The following TNC variants were observed in gnomAD, a reference collection of about 807,000 sequenced individuals.
TNC encodes tenascin.
A neutral mutation model predicts 202.4 loss-of-function variants in TNC; 109 were observed. The observed-to-expected ratio is 0.54, with a 90% CI of 0.46 to 0.63. The LOEUF (loss-of-function observed/expected upper bound fraction) is 0.63. TNC is among the 30% of genes least tolerant of loss of function. The pLI is 0.00. For missense variants in TNC, 2,756 were observed against 2,833.3 expected, an observed-to-expected ratio of 0.97 and a Z score of 0.62; for synonymous variants, 1,007 against 1,089.7, an observed-to-expected ratio of 0.92 and a Z score of 1.50.
chr9:115,068,904 C>T (rs1284445626), intron 10 of TNC, among the ~76,000 whole-genome samples: 1 of 152,258 alleles, frequency 6.6e-6, no homozygotes, highest in African/African-American at 2.4e-5. Context: ...GTGATGGGTA[C>T]CTGTCTGTAT....
intron 25 of TNC, among the ~76,000 whole-genome samples, chr9:115,027,122 A>G (rs1829562216): frequency 6.6e-6 from 1 of 151,762 alleles, no homozygotes; most frequent in Non-Finnish European, 1.5e-5. Flanking sequence ...AAGCAAAAAA[A>G]AAAAAAAAAG....
intron 20 of TNC, 49 bp from the exon 21 acceptor site, chr9:115,036,290 C>A (rs1198667652): frequency 6.2e-7 from 1 of 1,601,040 alleles, no homozygotes; most frequent in South Asian, 1.1e-5. Flanking sequence ...ACTGTCTGAG[C>A]CATGAGTGGG....
chr9:115,085,719 T>C (rs1203005519), intron 3 of TNC, 145 bp downstream of exon 3: 5 of 863,100 alleles, frequency 5.8e-6, no homozygotes, highest in African/African-American at 3.4e-5. Flanking sequence ...AAAGTCATTA[T>C]GGGTGTGTGT....
Position 115,086,204 on chromosome 9 carries a change from G to T in TNC, c.1527C>A (p.Gly509=), listed in dbSNP as rs151255144. 2.5e-5 allele frequency: 40 copies of T among 1,614,146 alleles called. No homozygotes were observed. In the African/African-American group the frequency reaches 4.9e-4, roughly 20 times the overall value. The change falls in exon 3 of 28, where the codon GGC becomes GGA. Residue 509 remains glycine, a synonymous_variant. Coordinates refer to ENST00000350763, the MANE Select transcript of TNC (RefSeq NM_002160.4). ...AGACGCACTGTCCGTCCACACAGAGGCCCCTGTTGCTGCAGTCCCTGGGGC... is the reference window on the plus strand; with the variant it reads ...AGACGCACTGTCCGTCCACACAGAGTCCCCTGTTGCTGCAGTCCCTGGGGC... The part of the protein sequence containing the change: ...RQCPRDCSNR[G]LCVDGQCVCE...
chr9:115,112,218 T>G (rs924034078), intron 1 of TNC, among the ~76,000 whole-genome samples: 1 of 152,192 alleles, frequency 6.6e-6, no homozygotes, highest in Non-Finnish European at 1.5e-5. Flanking sequence ...AGACCTAGGA[T>G]TCCAACCTGA....
chr9:115,110,277 T>C lies in TNC; in HGVS notation c.-137+7705A>G, dbSNP rs148378062. On this transcript the variant is annotated intron_variant, in intron 1 of 27. Coordinates refer to ENST00000350763, the MANE Select transcript of TNC (RefSeq NM_002160.4). Reference sequence around the variant, plus strand: ...TGACAGCTGAAGTACAGGATCTGTTTAGAGACCAGAAGCAAGATCATGGAG... The same window carrying C: ...TGACAGCTGAAGTACAGGATCTGTTCAGAGACCAGAAGCAAGATCATGGAG... Among the ~76,000 whole-genome samples, 3 of 152,314 alleles carry C rather than the reference T, an allele frequency of 2.0e-5. No homozygotes were observed. In the East Asian group the frequency reaches 5.8e-4, roughly 29 times the overall value.
At chr9:115,057,748 A>G (rs1832244739) in intron 14 of TNC, among the ~76,000 whole-genome samples, 1 of 152,232 alleles carries the variant, frequency 6.6e-6, no homozygotes, top group Non-Finnish European at 1.5e-5. Context: ...TGCCTCTGGG[A>G]GCCCTACCTC....
intron 10 of TNC, among the ~76,000 whole-genome samples, chr9:115,067,417 G>T (rs1267935397): frequency 6.6e-6 from 1 of 152,188 alleles, no homozygotes; most frequent in Non-Finnish European, 1.5e-5. Context: ...TGTGAATTAA[G>T]TTACTGTCTT....
chr9:115,025,362 T>C (rs1011801843), intron 26 of TNC, among the ~76,000 whole-genome samples: 11 of 149,850 alleles, frequency 7.3e-5, no homozygotes, highest in African/African-American at 2.2e-4. Flanking sequence ...CAAAAGAGCT[T>C]TGTGCCTCCT....
At chr9:115,071,286 C>G (rs936487911) in intron 10 of TNC, among the ~76,000 whole-genome samples, 10 of 152,306 alleles carry the variant, frequency 6.6e-5, no homozygotes, top group African/African-American at 2.4e-4. Context: ...AGTCTGTGGA[C>G]AGTGGAGAAG....
chr9:115,102,446 T>C (rs1334048672), intron 1 of TNC, among the ~76,000 whole-genome samples: 3 of 152,242 alleles, frequency 2.0e-5, no homozygotes, highest in Non-Finnish European at 4.4e-5. Context: ...GGGTTCCAGA[T>C]GCCTTGAAGG....
chr9:115,095,458 G>GTA (rs1408096728), intron 1 of TNC, among the ~76,000 whole-genome samples: 3 of 93,712 alleles, frequency 3.2e-5, no homozygotes, highest in South Asian at 3.4e-4. Flanking sequence ...ATATATATAT[G>GTA]TATATATATA....
chr9:115,095,493 T>C lies in TNC; in HGVS notation c.-136-4339A>G. Reference sequence around the variant, plus strand: ...ATGTATATATATGTATATATATATGTATATATATGTATATATATATGTATA... The same window carrying C: ...ATGTATATATATGTATATATATATGCATATATATGTATATATATATGTATA... On this transcript the variant is annotated intron_variant, in intron 1 of 27. Transcript: ENST00000350763. Among the ~76,000 whole-genome samples the C allele has an allele frequency of 1.4e-4, 2 of 14,378 alleles. 1 individual carries two copies. The highest frequency in any genetic ancestry group is 4.8e-4 in the African/African-American group (2 of 4,194). The allele number at this position is 14,378 out of a possible 152,430, so 9.4% of individuals were successfully genotyped here.
intron 1 of TNC, among the ~76,000 whole-genome samples, chr9:115,107,609 TGAGACTCAGG>T (rs1836717729): frequency 1.3e-5 from 2 of 152,204 alleles, no homozygotes; most frequent in Non-Finnish European, 2.9e-5. Flanking sequence ...AAAATTAATT[TGAGACTCAGG>T]GAGTTTCCAT....
intron 10 of TNC, among the ~76,000 whole-genome samples, chr9:115,070,137 T>C (rs7043308): frequency 0.26 from 39,273 of 151,930 alleles, 5,265 homozygotes; most frequent in Middle Eastern, 0.36. Flanking sequence ...ATAGATATTA[T>C]AGTAAACCAA....
At position 115,085,844 on chromosome 9, in the gene TNC, G is replaced by T. The variant is rs1206228526; in HGVS notation, c.1867+20C>A. ...ACTCCATCATGGCCATTATATGCTGGTCTGCGCCCTGGCACTCACCCTCTG... is the reference window on the plus strand; with the variant it reads ...ACTCCATCATGGCCATTATATGCTGTTCTGCGCCCTGGCACTCACCCTCTG... On this transcript the variant is annotated intron_variant, in intron 3 of 27. Transcript: ENST00000350763. 6.3e-7 allele frequency: 1 copy of T among 1,588,056 alleles called. No homozygotes were observed.
chr9:115,081,255 T>G (rs1834281556), intron 6 of TNC, among the ~76,000 whole-genome samples: 2 of 152,234 alleles, frequency 1.3e-5, no homozygotes, highest in African/African-American at 4.8e-5. Context: ...ACTAGTGACA[T>G]GATGCTAATT....
chr9:115,078,329 G>A, intron 6 of TNC, 117 bp from the exon 7 acceptor site: 2 of 1,231,700 alleles, frequency 1.6e-6, no homozygotes, highest in Middle Eastern at 2.9e-4. Flanking sequence ...CTAACTGCTT[G>A]ACTTTACTTT....
intron 1 of TNC, among the ~76,000 whole-genome samples, chr9:115,101,072 A>T (rs780118176): frequency 2.5e-4 from 38 of 152,198 alleles, no homozygotes; most frequent in Non-Finnish European, 3.8e-4. Flanking sequence ...CTATCTATCC[A>T]TCAATTCATC....
Sources: allele counts gnomAD v4.1 joint callset (sites outside exome capture counted in the v4.1 genomes callset), GRCh38; gene constraint gnomAD v4.1.1; transcripts MANE v1.5; gene names NCBI Gene and HGNC (gene_info 2026-07-23, HGNC 2026-07-21).